GALNT13: variants seen among roughly 807,000 people sequenced by gnomAD.
GALNT13 encodes UDP-GalNAc:polypeptide N-acetylgalactosaminyltransferase 13.
In GALNT13, 28 loss-of-function variants were observed where a neutral mutation model predicts 64.2. The ratio of observed to expected loss-of-function variants is 0.44; its 90% CI spans 0.32 to 0.60. The LOEUF (loss-of-function observed/expected upper bound fraction) is 0.60, where lower values mean the gene tolerates loss of function less well. Among genes scored for constraint, GALNT13 ranks in the 20% least tolerant of loss-of-function variants. The pLI is 0.05. For synonymous variants in GALNT13, 214 were observed against 224.6 expected (o/e 0.95, Z 0.42); for missense variants, 577 against 669.8 (o/e 0.86, Z 1.53).
At chr2:153,313,930 G>A in the GALNT13 span, among the ~76,000 whole-genome samples, 1 of 152,142 alleles carries the variant, frequency 6.6e-6, no homozygotes, top group East Asian at 1.9e-4. Context: ...TAAGGGTTAT[G>A]ACTATTTCTC....
chr2:153,689,070 A>G, the GALNT13 span, among the ~76,000 whole-genome samples: 250 of 127,752 alleles, frequency 2.0e-3, 1 homozygote, highest in Middle Eastern at 0.017. Flanking sequence ...CCGCGTGTGT[A>G]TGTGTGTGTG....
the GALNT13 span, among the ~76,000 whole-genome samples, chr2:153,620,817 A>G: frequency 6.6e-6 from 1 of 151,912 alleles, no homozygotes; most frequent in Non-Finnish European, 1.5e-5. Flanking sequence ...TGTTGATGCT[A>G]CTAGATGTTC....
chr2:154,217,938 A>G (rs1688133477), intron 4 of GALNT13, among the ~76,000 whole-genome samples: 1 of 152,154 alleles, frequency 6.6e-6, no homozygotes, highest in Non-Finnish European at 1.5e-5. Flanking sequence ...GGTAAGCAGT[A>G]AGGGTCTAGG....
At chr2:154,407,530 G>A (rs778664967) in intron 10 of GALNT13, among the ~76,000 whole-genome samples, 1 of 152,046 alleles carries the variant, frequency 6.6e-6, no homozygotes, top group South Asian at 2.1e-4. Context: ...TTTGCCTATA[G>A]GTTCAATCCC....
At chr2:153,917,469 A>G (rs1427226486) in intron 2 of GALNT13, among the ~76,000 whole-genome samples, 1 of 152,074 alleles carries the variant, frequency 6.6e-6, no homozygotes, top group Non-Finnish European at 1.5e-5. Flanking sequence ...ATATAATTTG[A>G]AAAAGGTATG....
chr2:154,322,144 CTTTTT>C (rs70983718), intron 9 of GALNT13, among the ~76,000 whole-genome samples: 1 of 16,612 alleles, frequency 6.0e-5, no homozygotes, highest in Non-Finnish European at 1.0e-4. Context: ...AAAATATGTA[CTTTTT>C]TTTTTTTTTT....
At chr2:153,219,553 A>G in the GALNT13 span, among the ~76,000 whole-genome samples, 1 of 152,218 alleles carries the variant, frequency 6.6e-6, no homozygotes, top group African/African-American at 2.4e-5. Flanking sequence ...CTAAATAAGT[A>G]CCAATTTTCC....
chr2:153,124,914 T>C, the GALNT13 span, among the ~76,000 whole-genome samples: 1 of 152,342 alleles, frequency 6.6e-6, no homozygotes, highest in South Asian at 2.1e-4. Context: ...AATAGTTTCA[T>C]GGTGTCTCAG....
the GALNT13 span, among the ~76,000 whole-genome samples, chr2:153,340,437 A>C: frequency 3.3e-5 from 5 of 152,060 alleles, no homozygotes; most frequent in Non-Finnish European, 7.4e-5. Flanking sequence ...TAGGTGGATC[A>C]CAAGGTCAGG....
intron 9 of GALNT13, among the ~76,000 whole-genome samples, chr2:154,313,393 A>G (rs1694154961): frequency 7.0e-6 from 1 of 143,352 alleles, no homozygotes; most frequent in Non-Finnish European, 1.5e-5. Context: ...CTATATTTAT[A>G]TATGTATATA....
At chr2:153,851,025 T>C in the GALNT13 span, among the ~76,000 whole-genome samples, 2 of 152,098 alleles carry the variant, frequency 1.3e-5, no homozygotes, top group Non-Finnish European at 2.9e-5. Flanking sequence ...TAATGAAAGA[T>C]TGACCAAATT....
the GALNT13 span, among the ~76,000 whole-genome samples, chr2:153,150,421 G>A: frequency 1.3e-5 from 2 of 151,964 alleles, no homozygotes; most frequent in Admixed American, 6.6e-5. Flanking sequence ...CATTCTGTAG[G>A]TTGCCTGTTC....
At chr2:153,679,864 T>C in the GALNT13 span, among the ~76,000 whole-genome samples, 3 of 151,900 alleles carry the variant, frequency 2.0e-5, no homozygotes, top group African/African-American at 7.2e-5. Flanking sequence ...TCCTTTAATC[T>C]CAATCCAAAT....
chr2:154,372,936 TCA>T (rs1304996626), intron 9 of GALNT13, among the ~76,000 whole-genome samples: 1 of 152,116 alleles, frequency 6.6e-6, no homozygotes, highest in Non-Finnish European at 1.5e-5. Flanking sequence ...AAAGATAAAC[TCA>T]GTTTTTTATT....
chr2:153,825,251 A>G, the GALNT13 span, among the ~76,000 whole-genome samples: 1 of 152,142 alleles, frequency 6.6e-6, no homozygotes, highest in Non-Finnish European at 1.5e-5. Context: ...CCTAATAATA[A>G]ATAATTATAT....
At chr2:154,287,210 G>A (rs1360867882) in intron 8 of GALNT13, 2 of 1,376,502 alleles carry the variant, frequency 1.5e-6, no homozygotes, top group African/African-American at 1.4e-5. Context: ...ATTTGTGGTG[G>A]AAAAGGCTGA....
rs78706924 is a variant in GALNT13 at position 154,102,216 on chromosome 2, A to G, written c.143-38121A>G. Among the ~76,000 whole-genome samples the G allele has an allele frequency of 9.9e-3, 1,505 of 152,234 alleles. 20 individuals are homozygous for G. The highest frequency in any genetic ancestry group is 0.033 in the African/African-American group (1,368 of 41,556). On this transcript the variant is annotated intron_variant, in intron 3 of 12. Transcript: ENST00000392825. ...TTCTTTGTTGATTTTCTATCTCTCT[A>G]TGATAATCTATCTGGATATCCCCCT...
chr2:153,301,892 T>C, the GALNT13 span, among the ~76,000 whole-genome samples: 1 of 151,724 alleles, frequency 6.6e-6, no homozygotes, highest in Admixed American at 6.6e-5. Context: ...TGTGTGTGTG[T>C]GTGTGTGTGT....
At chr2:154,126,530 G>A (rs1304084026) in intron 3 of GALNT13, among the ~76,000 whole-genome samples, 6 of 151,828 alleles carry the variant, frequency 4.0e-5, no homozygotes, top group East Asian at 1.9e-4. Context: ...AGCCACCAGG[G>A]AGGCTGAGGC....
Sources: gnomAD v4.1 joint callset for allele counts (sites outside exome capture counted in the v4.1 genomes callset) on GRCh38, gnomAD v4.1.1 for gene constraint, MANE v1.5 for transcripts, NCBI Gene and HGNC (gene_info 2026-07-23, HGNC 2026-07-21) for gene names.